PSMB7: variants seen among roughly 807,000 people sequenced by gnomAD.
The protein encoded by PSMB7 is proteasome 20S subunit beta 7.
PSMB7 carries 5 observed loss-of-function variants against 28.1 expected under a neutral mutation model. That is an observed-to-expected ratio of 0.18 (90% confidence interval 0.09 to 0.37). The LOEUF (loss-of-function observed/expected upper bound fraction) is 0.37. Ranked by LOEUF, PSMB7 falls within the 10% of genes least tolerant of loss-of-function variation. The pLI, the probability that PSMB7 is intolerant of heterozygous loss-of-function variation, is 1.00. For missense variants in PSMB7, 275 were observed against 346.2 expected, an observed-to-expected ratio of 0.79 and a Z score of 1.63; for synonymous variants, 122 against 123.7, an observed-to-expected ratio of 0.99 and a Z score of 0.09.
chr9:124,390,002 A>G (rs1299407236), intron 5 of PSMB7, among the ~76,000 whole-genome samples: 1 of 152,258 alleles, frequency 6.6e-6, no homozygotes, highest in South Asian at 2.1e-4. Context: ...CATGCAGAAC[A>G]TTAATAACTA....
chr9:124,399,691 G>C (rs1404017021), intron 5 of PSMB7, among the ~76,000 whole-genome samples: 4 of 152,214 alleles, frequency 2.6e-5, no homozygotes, highest in Non-Finnish European at 5.9e-5. Context: ...CTGGCGCTGA[G>C]GAACGCCAGG....
chr9:124,405,486 G>A (rs1830954101), intron 4 of PSMB7, 54 bp from the exon 5 acceptor site: 1 of 1,261,662 alleles, frequency 7.9e-7, no homozygotes, highest in Admixed American at 1.9e-5. Flanking sequence ...AAGCATCACT[G>A]TAACTTAGCC....
At chr9:124,415,066 C>G in intron 1 of PSMB7, 131 bp from the exon 2 acceptor site, 1 of 657,696 alleles carries the variant, frequency 1.5e-6, no homozygotes, top group South Asian at 1.9e-5. Flanking sequence ...AATGAATCCT[C>G]CCACCATCAG....
At chr9:124,376,824 G>C (rs1830614940) in intron 6 of PSMB7, among the ~76,000 whole-genome samples, 1 of 152,210 alleles carries the variant, frequency 6.6e-6, no homozygotes. Flanking sequence ...GTCTTCCACT[G>C]AGTGTGTGAC....
intron 6 of PSMB7, among the ~76,000 whole-genome samples, chr9:124,360,274 T>C (rs1830453299): frequency 6.6e-6 from 1 of 152,242 alleles, no homozygotes; most frequent in Non-Finnish European, 1.5e-5. Context: ...TTTGTATCTG[T>C]CTCCAGCCCA....
rs763449247 is a variant in PSMB7 at position 124,414,016 on chromosome 9, A to C, written c.157-11T>G. ...AAGAACTATGCCATCCTATTAAAAA[A>C]AAAAGTTTTTAAACAATTTTACAAA... On this transcript the variant is annotated splice_polypyrimidine_tract_variant and intron_variant, in intron 2 of 7. Coordinates refer to ENST00000259457, the MANE Select transcript of PSMB7 (RefSeq NM_002799.4). 1 of 1,590,424 alleles carries C rather than the reference A, an allele frequency of 6.3e-7. No individual in the cohort carries two copies. The highest frequency in any genetic ancestry group is 1.7e-5 in the Admixed American group (1 of 58,648).
chr9:124,415,122 G>T, intron 1 of PSMB7, 187 bp from the exon 2 acceptor site: 1 of 627,072 alleles, frequency 1.6e-6, no homozygotes, highest in Non-Finnish European at 2.8e-6. Flanking sequence ...CAAAGGGGCC[G>T]TGACGTGCCT....
intron 4 of PSMB7, among the ~76,000 whole-genome samples, chr9:124,410,998 C>T (rs551474465): frequency 2.3e-4 from 34 of 150,430 alleles, no homozygotes; most frequent in Non-Finnish European, 3.8e-4. Flanking sequence ...TTTTTTGAGA[C>T]GGAGTCTTCT....
chr9:124,366,009 T>C (rs1166119350), intron 6 of PSMB7, among the ~76,000 whole-genome samples: 1 of 152,240 alleles, frequency 6.6e-6, no homozygotes, highest in African/African-American at 2.4e-5. Context: ...ACGGTGATAC[T>C]GATGGCCCTG....
intron 5 of PSMB7, among the ~76,000 whole-genome samples, chr9:124,402,115 A>T (rs1045015544): frequency 6.6e-6 from 1 of 152,170 alleles, no homozygotes; most frequent in Admixed American, 6.5e-5. Flanking sequence ...CTGATGTCTC[A>T]TTCTCCTTAA....
rs1311743232 is a variant in PSMB7 at position 124,356,040 on chromosome 9, G to A, written c.722+724C>T. Among the ~76,000 whole-genome samples, 3 of 152,144 alleles carry A rather than the reference G, an allele frequency of 2.0e-5. No homozygotes were observed. The highest frequency in any genetic ancestry group is 4.8e-5 in the African/African-American group (2 of 41,412). ...TGTGCTGCACCCAGATGCTGCAGCT[G>A]GAAGCAGCACTCAGGGAGCCCATCC... On this transcript the variant is annotated intron_variant, in intron 7 of 7. Coordinates refer to ENST00000259457, the MANE Select transcript of PSMB7 (RefSeq NM_002799.4). This position sits in a 1 kb window ranked among gnomAD's most constrained non-coding sequence, Gnocchi z 4.4.
At chr9:124,404,679 C>A (rs1007781280) in intron 5 of PSMB7, among the ~76,000 whole-genome samples, 1 of 152,134 alleles carries the variant, frequency 6.6e-6, no homozygotes, top group Middle Eastern at 3.4e-3. Context: ...TGGTGAAACC[C>A]CATCTCTACT....
At chr9:124,380,146 C>T (rs532468894) in intron 6 of PSMB7, among the ~76,000 whole-genome samples, 4 of 152,340 alleles carry the variant, frequency 2.6e-5, no homozygotes, top group South Asian at 2.1e-4. Flanking sequence ...AGCCAGTGCA[C>T]GCTATATTCA....
At chr9:124,407,185 T>C (rs1043860402) in intron 4 of PSMB7, among the ~76,000 whole-genome samples, 2 of 152,094 alleles carry the variant, frequency 1.3e-5, no homozygotes, top group Non-Finnish European at 2.9e-5. Flanking sequence ...AAAATACAAA[T>C]AAATTAACAT....
chr9:124,410,817 A>G (rs1376474399), intron 4 of PSMB7, among the ~76,000 whole-genome samples: 4 of 152,198 alleles, frequency 2.6e-5, no homozygotes, highest in Non-Finnish European at 5.9e-5. Flanking sequence ...CCCGCAAATT[A>G]TCAGGAAGGC....
intron 6 of PSMB7, among the ~76,000 whole-genome samples, chr9:124,362,896 G>T (rs1309746095): frequency 6.6e-6 from 1 of 152,186 alleles, no homozygotes; most frequent in African/African-American, 2.4e-5. Context: ...ATGCAGCTTG[G>T]AAAATCTTCA....
At position 124,353,476 on chromosome 9, in the gene PSMB7, A is replaced by G. The variant is rs573759189; in HGVS notation, c.*122T>C. 2.7e-5 allele frequency: 20 copies of G among 751,616 alleles called. No individual in the cohort carries two copies. Among genetic ancestry groups the G allele is most frequent in the Middle Eastern group, 3.8e-4 (1 of 2,664 alleles). 46.6% of individuals were successfully genotyped at this position (751,616 alleles called of 1,614,324 possible). A position where few individuals can be genotyped will look rare whatever the true frequency, so the allele number is the denominator to read the frequency against. ...ACAGTGCCCAGACCTCAGCTGCCCA[A>G]TTTGGTTTTTGTTTTTTATTGAGTT... On this transcript the variant is annotated 3_prime_UTR_variant, in exon 8 of 8. Transcript: ENST00000259457.
chr9:124,399,495 G>T (rs903192457), intron 5 of PSMB7, among the ~76,000 whole-genome samples: 15 of 152,226 alleles, frequency 9.9e-5, no homozygotes, highest in African/African-American at 3.6e-4. Context: ...TTTCTGAAAG[G>T]AGGCAGCAAC....
At chr9:124,358,461 A>T (rs1214446003) in intron 6 of PSMB7, among the ~76,000 whole-genome samples, 2 of 152,204 alleles carry the variant, frequency 1.3e-5, no homozygotes, top group African/African-American at 4.8e-5. Context: ...CAGTCCTGTA[A>T]GAATGCATTC....
Sources: allele counts gnomAD v4.1 joint callset (sites outside exome capture counted in the v4.1 genomes callset), GRCh38; gene constraint gnomAD v4.1.1; non-coding constraint Gnocchi (gnomAD v3.1); transcripts MANE v1.5; gene names NCBI Gene and HGNC (gene_info 2026-07-23, HGNC 2026-07-21).